Variants in CPD observed in about 807,000 individuals in gnomAD.
CPD encodes the protein carboxypeptidase D.
A neutral mutation model predicts 138.3 loss-of-function variants in CPD; 69 were observed. The ratio of observed to expected loss-of-function variants is 0.50; its 90% confidence interval spans 0.41 to 0.61. CPD has a LOEUF of 0.61. Among genes scored for constraint, CPD ranks in the 20% least tolerant of loss-of-function variants. The pLI is 0.00. For synonymous variants in CPD, 651 were observed against 642.1 expected (o/e 1.01, Z -0.21); for missense variants, 1,432 against 1,733.3 (o/e 0.83, Z 3.09).
At chr17:30,393,262 T>C (rs1193197880) in intron 2 of CPD, among the ~76,000 whole-genome samples, 2 of 152,174 alleles carry the variant, frequency 1.3e-5, no homozygotes, top group African/African-American at 4.8e-5. Context: ...TATTGAAGTA[T>C]GTTTGGCTGG....
rs545467829 is a variant in CPD at position 30,388,536 on chromosome 17, A to G, written c.994+3300A>G. 1.8e-3 allele frequency among the ~76,000 whole-genome samples: 274 copies of G among 152,290 alleles called. 3 individuals are homozygous for G. The highest frequency in any genetic ancestry group is 2.2e-3 in the Admixed American group (33 of 15,298). Reference sequence around the variant, plus strand: ...CCGGGCAGTGACAGTGCGCCGCCTCAGCTCCAACCCCAATCCCGGATAGGA... The same window carrying G: ...CCGGGCAGTGACAGTGCGCCGCCTCGGCTCCAACCCCAATCCCGGATAGGA... On this transcript the variant is annotated intron_variant, in intron 2 of 20. Transcript: ENST00000225719.
chr17:30,455,565 C>G, intron 15 of CPD, 95 bp downstream of exon 15: 1 of 1,371,106 alleles, frequency 7.3e-7, no homozygotes, highest in Non-Finnish European at 1.0e-6. Context: ...AAATAGTGAG[C>G]ATTTGAGCAC....
intron 2 of CPD, among the ~76,000 whole-genome samples, chr17:30,413,492 TC>T (rs1912022111): frequency 6.6e-6 from 1 of 152,202 alleles, no homozygotes; most frequent in Non-Finnish European, 1.5e-5. Context: ...CTGTTTGACA[TC>T]CCCATATGGA....
intron 2 of CPD, among the ~76,000 whole-genome samples, chr17:30,414,427 C>T (rs1314422137): frequency 6.6e-6 from 1 of 151,738 alleles, no homozygotes; most frequent in Admixed American, 6.6e-5. Flanking sequence ...TACAAAAATA[C>T]AAAAAATTAG....
At position 30,422,702 on chromosome 17, in the gene CPD, G is replaced by C; in HGVS notation, c.1336G>C (p.Val446Leu). The C allele has an allele frequency of 6.2e-7, 1 of 1,612,716 alleles. No individual in the cohort carries two copies. The highest frequency in any genetic ancestry group is 1.1e-5 in the South Asian group (1 of 90,912). ...TATGCCATTGACTGTTACTAATGTA[G>C]TGGTGAAAGAAGGACCAGCCACAGA... ...GYMPLTVTNV[V>L]VKEGPATEVD... Residue 446 changes from valine to leucine, a missense_variant, in exon 5 of 21, where the codon GTG becomes CTG. Physicochemically the swap from Val to Leu is conservative, Grantham distance 32. Coordinates refer to ENST00000225719, the MANE Select transcript of CPD (RefSeq NM_001304.5).
intron 2 of CPD, among the ~76,000 whole-genome samples, chr17:30,416,736 T>G (rs1024729800): frequency 6.6e-6 from 1 of 152,240 alleles, no homozygotes; most frequent in African/African-American, 2.4e-5. Context: ...TAATGTTACC[T>G]CCTCATGAAG....
chr17:30,435,391 C>T (rs183355456), intron 8 of CPD, among the ~76,000 whole-genome samples: 1 of 151,344 alleles, frequency 6.6e-6, no homozygotes, highest in East Asian at 1.9e-4. Flanking sequence ...GAAAAGGATG[C>T]CAAGACAATT....
Position 30,379,579 on chromosome 17 carries a change from G to A in CPD, c.599G>A (p.Gly200Asp). ...GAGGGCGACTGTGGCTTCGGCGACG[G>A]CGGCCCGTCCGGGGCCAGCGGCCGC... ...AREGDCGFGDGGPSGASGRDN... is the reference protein window; with the variant it reads ...AREGDCGFGDDGPSGASGRDN... The change falls in exon 1 of 21, where the codon GGC becomes GAC. Residue 200 changes from glycine to aspartate, a missense_variant. Gly to Asp is a moderately conservative substitution (Grantham distance 94). Coordinates refer to ENST00000225719, the MANE Select transcript of CPD (RefSeq NM_001304.5). This position sits in a 1 kb window ranked among gnomAD's most constrained non-coding sequence, Gnocchi z 7.0. The A allele has an allele frequency of 6.6e-7, 1 of 1,515,676 alleles. No homozygotes were observed. Among genetic ancestry groups the A allele is most frequent in the Non-Finnish European group, 8.7e-7 (1 of 1,144,276 alleles). The allele number at this position is 1,515,676 out of a possible 1,614,324, so 93.9% of individuals were successfully genotyped here.
intron 5 of CPD, 29 bp from the exon 6 acceptor site, chr17:30,423,477 A>T (rs751401133): frequency 1.5e-5 from 22 of 1,442,788 alleles, no homozygotes; most frequent in Non-Finnish European, 1.8e-5. Context: ...AAGGAAAAAA[A>T]GCCTTCCATG....
At chr17:30,448,859 T>TG (rs1913093848) in intron 12 of CPD, among the ~76,000 whole-genome samples, 1 of 152,130 alleles carries the variant, frequency 6.6e-6, no homozygotes, top group Non-Finnish European at 1.5e-5. Flanking sequence ...CCCAGCACTT[T>TG]GGGAGGCTGA....
intron 2 of CPD, among the ~76,000 whole-genome samples, chr17:30,414,033 C>T (rs1246611185): frequency 6.6e-6 from 1 of 152,152 alleles, no homozygotes; most frequent in Non-Finnish European, 1.5e-5. Flanking sequence ...GTGTCTGCTG[C>T]AGAGCCAGTG....
rs1910995003 is a variant in CPD at position 30,379,803 on chromosome 17, C to T, written c.746+77C>T. The T allele has an allele frequency of 2.8e-6, 3 of 1,065,288 alleles. No homozygotes were observed. The highest frequency in any genetic ancestry group is 2.2e-4 in the Middle Eastern group (1 of 4,604). The allele number at this position is 1,065,288 out of a possible 1,614,324, so 66.0% of individuals were successfully genotyped here. A position where few individuals can be genotyped will look rare whatever the true frequency, so the allele number is the denominator to read the frequency against. On this transcript the variant is annotated intron_variant, in intron 1 of 20. Transcript: ENST00000225719. The surrounding 1 kb of genome is among the most constrained non-coding windows in gnomAD (Gnocchi z 7.0). ...CTGGTTCCGGCACCCAGTAGGCGCT[C>T]AGACAATGCTGGCATAAGGGGTGGC...
chr17:30,387,953 G>A (rs768675866), intron 2 of CPD, among the ~76,000 whole-genome samples: 2 of 152,144 alleles, frequency 1.3e-5, no homozygotes, highest in Non-Finnish European at 2.9e-5. Context: ...AGAGGAGACC[G>A]GCAGTGGGCA....
chr17:30,428,634 T>C (rs1912484648), intron 7 of CPD, among the ~76,000 whole-genome samples: 1 of 152,186 alleles, frequency 6.6e-6, no homozygotes, highest in African/African-American at 2.4e-5. Context: ...AAGTTGATTA[T>C]ATTTTTATGA....
rs185451789 is a variant in CPD, at chr17:30,412,039, G to A, written c.995-8802G>A. Among the ~76,000 whole-genome samples the A allele has an allele frequency of 2.5e-3, 381 of 152,284 alleles. 1 individual carries two copies. Among genetic ancestry groups the A allele is most frequent in the African/African-American group, 8.7e-3 (362 of 41,570 alleles). On this transcript the variant is annotated intron_variant, in intron 2 of 20. Transcript: ENST00000225719. ...TTGATGTTGGTGACCTACAGATGGG[G>A]TTTTGGTGTGGATGTCCTTTTTGCT...
rs1912579351 is a variant in CPD, at chr17:30,432,042, C to A, written c.2127+161C>A. ...TAGCTTTTTCTCCTGTTTCCCACCT[C>A]ACTTTTGAATACACTACATGTCTTT... On this transcript the variant is annotated intron_variant, in intron 8 of 20. Coordinates refer to ENST00000225719, the MANE Select transcript of CPD (RefSeq NM_001304.5). Among the ~76,000 whole-genome samples the A allele has an allele frequency of 2.0e-5, 3 of 152,168 alleles. No homozygotes were observed. In the South Asian group the frequency reaches 6.2e-4, roughly 32 times the overall value.
chr17:30,423,718 C>A, intron 6 of CPD, 21 bp downstream of exon 6: 1 of 1,466,390 alleles, frequency 6.8e-7, no homozygotes, highest in Non-Finnish European at 9.2e-7. Context: ...GCATTTAATT[C>A]TTAATCATTT....
At chr17:30,444,916 G>T (rs1471838035) in intron 11 of CPD, among the ~76,000 whole-genome samples, 1 of 151,914 alleles carries the variant, frequency 6.6e-6, no homozygotes, top group Non-Finnish European at 1.5e-5. Flanking sequence ...GTAAATGAAT[G>T]GGTTAGAACC....
chr17:30,378,945 C>G lies in CPD; in HGVS notation c.-36C>G. On this transcript the variant is annotated 5_prime_UTR_variant, in exon 1 of 21. Coordinates refer to ENST00000225719, the MANE Select transcript of CPD (RefSeq NM_001304.5). ...CCCCGCCGCCCGGAGCGCTGAGCCG[C>G]GGGAGCGGAGCCGGGGTTAGCGGCG... The G allele has an allele frequency of 7.0e-7, 1 of 1,423,036 alleles. No individual in the cohort carries two copies. Among genetic ancestry groups the G allele is most frequent in the South Asian group, 1.5e-5 (1 of 66,174 alleles). 88.2% of individuals were successfully genotyped at this position (1,423,036 alleles called of 1,614,324 possible).
Sources: gnomAD v4.1 joint callset for allele counts (sites outside exome capture counted in the v4.1 genomes callset) on GRCh38, gnomAD v4.1.1 for gene constraint, Gnocchi (gnomAD v3.1) non-coding constraint, MANE v1.5 for transcripts, NCBI Gene and HGNC (gene_info 2026-07-23, HGNC 2026-07-21) for gene names.